GRIK3: variants seen among roughly 807,000 people sequenced by gnomAD.
GRIK3 encodes glutamate ionotropic receptor kainate type subunit 3, also known as glutamate receptor ionotropic, kainate 3.
A neutral mutation model predicts 102.5 loss-of-function variants in GRIK3; 29 were observed. That is an observed-to-expected ratio of 0.28 (90% CI 0.21 to 0.39). The LOEUF (loss-of-function observed/expected upper bound fraction) is 0.39. GRIK3 is among the 10% of genes least tolerant of loss of function. The pLI, the probability that GRIK3 is intolerant of heterozygous loss-of-function variation, is 1.00. For missense variants in GRIK3, 908 were observed against 1,252.4 expected (o/e 0.73, Z 4.15); for synonymous variants, 511 against 504.9 (o/e 1.01, Z -0.16).
chr1:36,947,444 C>T (rs1641796424), intron 1 of GRIK3, among the ~76,000 whole-genome samples: 1 of 152,172 alleles, frequency 6.6e-6, no homozygotes, highest in African/African-American at 2.4e-5. Flanking sequence ...TGCTCAAAAG[C>T]CTTCAGAGCC....
rs1557691057 is a variant in GRIK3, at chr1:36,817,195, G to A, written c.1956C>T (p.Ser652=). 1.2e-6 allele frequency: 2 copies of A among 1,613,906 alleles called. No individual in the cohort carries two copies. Among genetic ancestry groups the A allele is most frequent in the East Asian group, 2.2e-5 (1 of 44,882 alleles). The change falls in exon 13 of 16, where the codon TCC becomes TCT. Residue 652 remains serine (S), a synonymous_variant. Transcript: ENST00000373091. ...GAAAGGCAGCCAGGTTGGCCGTGTA[G>A]GAAGAGATGATGATGAGCGTGAAGA... ...WWFFTLIIIS[S]YTANLAAFLT... is the part of the protein sequence containing the mutation.
intron 1 of GRIK3, among the ~76,000 whole-genome samples, chr1:37,023,519 G>A (rs2124080486): frequency 6.6e-6 from 1 of 152,286 alleles, no homozygotes; most frequent in South Asian, 2.1e-4. Context: ...AAGGGCCTGA[G>A]GGCATAAGGA....
intron 10 of GRIK3, among the ~76,000 whole-genome samples, chr1:36,836,323 C>T (rs1034151424): frequency 5.3e-5 from 8 of 152,242 alleles, no homozygotes; most frequent in Admixed American, 1.3e-4. Flanking sequence ...CAGCTAGTCA[C>T]GACCCCACAA....
intron 1 of GRIK3, among the ~76,000 whole-genome samples, chr1:36,915,791 T>G (rs1268408880): frequency 6.6e-6 from 1 of 152,178 alleles, no homozygotes; most frequent in Non-Finnish European, 1.5e-5. Flanking sequence ...CACATGGAAC[T>G]GTAAGTGCAT....
At chr1:36,868,391 A>G (rs543563302) in intron 5 of GRIK3, among the ~76,000 whole-genome samples, 6 of 152,314 alleles carry the variant, frequency 3.9e-5, no homozygotes, top group Non-Finnish European at 5.9e-5. Context: ...TTCTCCCAGC[A>G]TGGCTCCTGG....
chr1:36,923,943 C>T (rs531583052), intron 1 of GRIK3, among the ~76,000 whole-genome samples: 1 of 151,924 alleles, frequency 6.6e-6, no homozygotes, highest in Non-Finnish European at 1.5e-5. Context: ...ATTCAAGGGC[C>T]CACACATACA....
At chr1:36,996,042 G>C (rs890358737) in intron 1 of GRIK3, among the ~76,000 whole-genome samples, 10 of 151,758 alleles carry the variant, frequency 6.6e-5, no homozygotes, top group Non-Finnish European at 1.5e-5. Flanking sequence ...GGTGGCCCGA[G>C]ATCCTCCACC....
chr1:36,806,355 A>T lies in GRIK3; in HGVS notation c.2092-29T>A, dbSNP rs1642502672. ...GGCCGTGAGGGAAGGGGTGATGCAC[A>T]CACCGTTACTAGGCGCACCAGGGAC... On this transcript the variant is annotated intron_variant, in intron 13 of 15. Transcript: ENST00000373091. The surrounding 1 kb of genome is among the most constrained non-coding windows in gnomAD (Gnocchi z 4.0). The T allele has an allele frequency of 2.7e-6, 4 of 1,462,306 alleles. No homozygotes were observed. Among genetic ancestry groups the T allele is most frequent in the Non-Finnish European group, 3.8e-6 (4 of 1,047,430 alleles). 90.6% of individuals were successfully genotyped at this position (1,462,306 alleles called of 1,614,324 possible).
chr1:36,812,082 G>A (rs1642568760), intron 13 of GRIK3, among the ~76,000 whole-genome samples: 1 of 152,106 alleles, frequency 6.6e-6, no homozygotes, highest in Non-Finnish European at 1.5e-5. Context: ...GACTGTATGT[G>A]AGAGAGGCCA....
chr1:36,965,344 T>C (rs1642067748), intron 1 of GRIK3, among the ~76,000 whole-genome samples: 1 of 152,206 alleles, frequency 6.6e-6, no homozygotes, highest in East Asian at 1.9e-4. Context: ...TGTAATTTCA[T>C]TGAAATGGGA....
chr1:37,010,836 G>A (rs1005555359), intron 1 of GRIK3, among the ~76,000 whole-genome samples: 9 of 150,766 alleles, frequency 6.0e-5, no homozygotes, highest in African/African-American at 2.2e-4. Flanking sequence ...CCGCTTCCCG[G>A]GTTCACGCCA....
At chr1:36,815,012 C>T (rs977905615) in intron 13 of GRIK3, among the ~76,000 whole-genome samples, 6 of 152,246 alleles carry the variant, frequency 3.9e-5, no homozygotes, top group Admixed American at 3.3e-4. Context: ...TGTGCACATA[C>T]ACACACGTGC....
intron 1 of GRIK3, among the ~76,000 whole-genome samples, chr1:36,991,348 C>T (rs1240138965): frequency 1.3e-5 from 2 of 152,218 alleles, no homozygotes; most frequent in African/African-American, 4.8e-5. Context: ...AAAGGGGCCA[C>T]AGACACCATC....
Position 37,006,049 on chromosome 1 carries a change from C to G in GRIK3, c.115+27945G>C, listed in dbSNP as rs138934816. On this transcript the variant is annotated intron_variant, in intron 1 of 15. Transcript: ENST00000373091. Reference sequence around the variant, plus strand: ...CCCGGAGTTAAGGAGGATGCTGTAGCCACCGGGAGAAGGCGGTGCATTTGA... The same window carrying G: ...CCCGGAGTTAAGGAGGATGCTGTAGGCACCGGGAGAAGGCGGTGCATTTGA... Among the ~76,000 whole-genome samples the G allele has an allele frequency of 2.1e-3, 322 of 152,272 alleles. 4 individuals carry two copies. The highest frequency in any genetic ancestry group is 0.016 in the South Asian group (76 of 4,810).
intron 1 of GRIK3, among the ~76,000 whole-genome samples, chr1:36,961,167 G>C (rs543069445): frequency 6.6e-6 from 1 of 152,150 alleles, no homozygotes; most frequent in Non-Finnish European, 1.5e-5. Context: ...AACACACTGC[G>C]TGCACACACG....
chr1:36,866,079 C>T (rs765985405), intron 5 of GRIK3, among the ~76,000 whole-genome samples: 1 of 152,188 alleles, frequency 6.6e-6, no homozygotes, highest in Non-Finnish European at 1.5e-5. Context: ...GATAGGGTCT[C>T]ACTATGTTGC....
intron 2 of GRIK3, among the ~76,000 whole-genome samples, chr1:36,889,724 C>G (rs893653943): frequency 6.6e-6 from 1 of 152,102 alleles, no homozygotes; most frequent in Non-Finnish European, 1.5e-5. Flanking sequence ...GGGTTCCCTG[C>G]CTGGCTGGGG....
intron 1 of GRIK3, among the ~76,000 whole-genome samples, chr1:36,913,258 C>A (rs1471579203): frequency 1.3e-5 from 2 of 152,332 alleles, no homozygotes; most frequent in South Asian, 2.1e-4. Flanking sequence ...AACCCTGCCA[C>A]CAGCAGCCCC....
chr1:36,874,922 A>T (rs888108255), intron 3 of GRIK3, among the ~76,000 whole-genome samples: 1 of 152,242 alleles, frequency 6.6e-6, no homozygotes, highest in Non-Finnish European at 1.5e-5. Flanking sequence ...CCACTCCAGC[A>T]GAGGACTAGG....
Sources: allele counts gnomAD v4.1 joint callset (sites outside exome capture counted in the v4.1 genomes callset), GRCh38; gene constraint gnomAD v4.1.1; non-coding constraint Gnocchi (gnomAD v3.1); transcripts MANE v1.5; gene names NCBI Gene and HGNC (gene_info 2026-07-23, HGNC 2026-07-21).